The following FGF20 variants were observed in gnomAD, a reference collection of about 807,000 sequenced individuals.
The protein encoded by FGF20 is fibroblast growth factor 20.
A neutral mutation model predicts 16.7 loss-of-function variants in FGF20; 8 were observed. The observed-to-expected ratio is 0.48, with a 90% CI of 0.28 to 0.87. The LOEUF is 0.87. FGF20 is among the 40% of genes least tolerant of loss of function. The probability of loss-of-function intolerance (pLI) is 0.10; values close to 1 mark genes in which losing one functional copy is unlikely to be tolerated. For synonymous variants in FGF20, 161 were observed against 118.6 expected, an observed-to-expected ratio of 1.36 and a Z score of -2.32; for missense variants, 397 against 281.4, an observed-to-expected ratio of 1.41 and a Z score of -2.94.
At chr8:16,994,724 G>C (rs1810003518) in intron 2 of FGF20, among the ~76,000 whole-genome samples, 1 of 152,152 alleles carries the variant, frequency 6.6e-6, no homozygotes, top group African/African-American at 2.4e-5. Flanking sequence ...AGTGCCATCT[G>C]CTTAATCATA....
chr8:16,992,920 T>C lies in FGF20; in HGVS notation c.*152A>G. ...ATTTCTAGTCAAAATTTTTTTTGGTTTTTTTTCTCAATATTCTTTCCAAAT... is the reference window on the plus strand; with the variant it reads ...ATTTCTAGTCAAAATTTTTTTTGGTCTTTTTTCTCAATATTCTTTCCAAAT... On this transcript the variant is annotated 3_prime_UTR_variant, in exon 3 of 3. Coordinates refer to ENST00000180166, the MANE Select transcript of FGF20 (RefSeq NM_019851.3). The C allele has an allele frequency of 2.8e-6, 3 of 1,054,492 alleles. No homozygotes were observed. Among genetic ancestry groups the C allele is most frequent in the Non-Finnish European group, 4.0e-6 (3 of 746,274 alleles). 65.3% of individuals were successfully genotyped at this position (1,054,492 alleles called of 1,614,324 possible).
chr8:16,997,751 A>C (rs1039118786), intron 1 of FGF20, among the ~76,000 whole-genome samples: 4 of 152,304 alleles, frequency 2.6e-5, no homozygotes, highest in African/African-American at 9.6e-5. Context: ...AGAGGTGGGG[A>C]GTGAAGGAAA....
rs762445378 is a variant in FGF20, at chr8:17,002,034, G to A, written c.-2C>T. The A allele has an allele frequency of 6.5e-7, 1 of 1,539,234 alleles. No homozygotes were observed. The highest frequency in any genetic ancestry group is 8.7e-7 in the Non-Finnish European group (1 of 1,143,746). On this transcript the variant is annotated 5_prime_UTR_variant, in exon 1 of 3. Coordinates refer to ENST00000180166, the MANE Select transcript of FGF20 (RefSeq NM_019851.3). ...CCCGACTTCGGCTAAGGGAGCCATGGAGGGGGAGATCCGGAACACAAAAGA... is the reference window on the plus strand; with the variant it reads ...CCCGACTTCGGCTAAGGGAGCCATGAAGGGGGAGATCCGGAACACAAAAGA...
chr8:16,993,013 G>A lies in FGF20; in HGVS notation c.*59C>T. The stretch of plus-strand genomic sequence containing the variant: ...TCCTTGGGTCATTATTTTATGATGG[G>A]AACTATGACAAGAAAGAATGGTTGT... On this transcript the variant is annotated 3_prime_UTR_variant, in exon 3 of 3. Transcript: ENST00000180166. 3 of 1,562,038 alleles carry A rather than the reference G, an allele frequency of 1.9e-6. No homozygotes were observed. The highest frequency in any genetic ancestry group is 1.4e-5 in the African/African-American group (1 of 73,156).
chr8:16,998,028 G>T (rs1810096725), intron 1 of FGF20, among the ~76,000 whole-genome samples: 1 of 152,126 alleles, frequency 6.6e-6, no homozygotes, highest in Non-Finnish European at 1.5e-5. Flanking sequence ...TGATTAGAAT[G>T]TAGAATAGAG....
In FGF20 at chr8:17,002,228, C is replaced by T; in HGVS notation, c.-196G>A. 1 of 518,460 alleles carries T rather than the reference C, an allele frequency of 1.9e-6. No individual in the cohort carries two copies. Among genetic ancestry groups the T allele is most frequent in the Non-Finnish European group, 3.2e-6 (1 of 315,710 alleles). 32.1% of individuals were successfully genotyped at this position (518,460 alleles called of 1,614,324 possible). A position where few individuals can be genotyped will look rare whatever the true frequency, so the allele number is the denominator to read the frequency against. On this transcript the variant is annotated 5_prime_UTR_variant, in exon 1 of 3. Coordinates refer to ENST00000180166, the MANE Select transcript of FGF20 (RefSeq NM_019851.3). ...CACTGTCTTGGAGCGATCTTCTCTCCTTGGGTAGGTGGGAGCCGGCTGCTG... is the reference window on the plus strand; with the variant it reads ...CACTGTCTTGGAGCGATCTTCTCTCTTTGGGTAGGTGGGAGCCGGCTGCTG...
intron 1 of FGF20, 86 bp downstream of exon 1, chr8:17,001,661 G>A: frequency 7.2e-7 from 1 of 1,387,686 alleles, no homozygotes; most frequent in Middle Eastern, 2.6e-4. Context: ...GACGCCCTTG[G>A]CAGGCAAAGA....
At position 16,995,723 on chromosome 8, in the gene FGF20, C is replaced by G. The variant is rs1162134925; in HGVS notation, c.322G>C (p.Val108Leu). 1 of 1,607,948 alleles carries G rather than the reference C, an allele frequency of 6.2e-7. No homozygotes were observed. The highest frequency in any genetic ancestry group is 1.3e-5 in the African/African-American group (1 of 74,880). The change falls in exon 2 of 3, where the codon GTC becomes CTC. Residue 108 changes from valine to leucine, a missense_variant. By Grantham distance (32) the Val-to-Leu change is conservative. Transcript: ENST00000180166. The part of the protein sequence containing the change: ...LEFISVAVGL[V>L]SIRGVDSGLY... ...CCACTGTCCACACCTCTAATACTGACCAGTCCCACTGCCACACTGATGAAT... is the reference window on the plus strand; with the variant it reads ...CCACTGTCCACACCTCTAATACTGAGCAGTCCCACTGCCACACTGATGAAT...
At chr8:17,000,338 C>A (rs528166140) in intron 1 of FGF20, among the ~76,000 whole-genome samples, 2 of 152,212 alleles carry the variant, frequency 1.3e-5, no homozygotes, top group Admixed American at 6.5e-5. Flanking sequence ...ACCAAATGAC[C>A]ACCACATGCT....
chr8:16,997,166 A>G (rs1474686000), intron 1 of FGF20, among the ~76,000 whole-genome samples: 1 of 152,194 alleles, frequency 6.6e-6, no homozygotes, highest in Admixed American at 6.5e-5. Flanking sequence ...AAAAAAGAAA[A>G]ACTTAACACC....
intron 2 of FGF20, among the ~76,000 whole-genome samples, chr8:16,994,348 C>T (rs924125736): frequency 4.6e-5 from 7 of 152,130 alleles, no homozygotes; most frequent in African/African-American, 9.7e-5. Context: ...ACATTCTCCA[C>T]GATTTTTTAT....
chr8:17,000,929 C>T (rs1282043696), intron 1 of FGF20, among the ~76,000 whole-genome samples: 4 of 152,072 alleles, frequency 2.6e-5, no homozygotes, highest in Admixed American at 2.6e-4. Context: ...TTCCCATTTC[C>T]TCTTTCCTAA....
At chr8:17,000,787 C>G (rs1378716060) in intron 1 of FGF20, among the ~76,000 whole-genome samples, 1 of 151,832 alleles carries the variant, frequency 6.6e-6, no homozygotes, top group South Asian at 2.1e-4. Context: ...GAGACCCTCC[C>G]GATCTAGTAT....
chr8:16,994,083 C>A (rs1809986357), intron 2 of FGF20, among the ~76,000 whole-genome samples: 1 of 152,102 alleles, frequency 6.6e-6, no homozygotes, highest in Non-Finnish European at 1.5e-5. Context: ...TGTCAGTTCC[C>A]AATTTTATTT....
intron 1 of FGF20, among the ~76,000 whole-genome samples, chr8:16,998,154 T>G (rs1033281991): frequency 6.6e-6 from 1 of 152,208 alleles, no homozygotes; most frequent in African/African-American, 2.4e-5. Flanking sequence ...ACCTACACTT[T>G]AATTCTTATC....
At position 17,001,701 on chromosome 8, in the gene FGF20, C is replaced by G. The variant is rs1053348073; in HGVS notation, c.286+46G>C. 5.3e-6 allele frequency: 8 copies of G among 1,513,626 alleles called. No homozygotes were observed. In the African/African-American group the frequency reaches 5.7e-5, roughly 11 times the overall value. 93.8% of individuals were successfully genotyped at this position (1,513,626 alleles called of 1,614,324 possible). ...GGTGCAAGGGGAGGGAACGAGGAGCCGAGCTGGGGCGCAGATGGGGGTGGG... is the reference window on the plus strand; with the variant it reads ...GGTGCAAGGGGAGGGAACGAGGAGCGGAGCTGGGGCGCAGATGGGGGTGGG... On this transcript the variant is annotated intron_variant, in intron 1 of 2. Coordinates refer to ENST00000180166, the MANE Select transcript of FGF20 (RefSeq NM_019851.3).
intron 1 of FGF20, among the ~76,000 whole-genome samples, chr8:16,998,263 A>T (rs1168116396): frequency 6.6e-6 from 1 of 152,202 alleles, no homozygotes; most frequent in East Asian, 1.9e-4. Flanking sequence ...TAACTTTAGT[A>T]AACAACACCC....
intron 1 of FGF20, among the ~76,000 whole-genome samples, chr8:16,998,836 C>T (rs532402797): frequency 1.3e-5 from 2 of 150,490 alleles, no homozygotes; most frequent in South Asian, 4.2e-4. Flanking sequence ...TGTAGGAAAA[C>T]TCCATCATAA....
chr8:16,994,917 T>C (rs1810008602), intron 2 of FGF20, among the ~76,000 whole-genome samples: 1 of 152,180 alleles, frequency 6.6e-6, no homozygotes, highest in Non-Finnish European at 1.5e-5. Flanking sequence ...TGTTGTGCTG[T>C]AAGGTAGAGT....
Sources: allele counts gnomAD v4.1 joint callset (sites outside exome capture counted in the v4.1 genomes callset), GRCh38; gene constraint gnomAD v4.1.1; transcripts MANE v1.5; gene names NCBI Gene and HGNC (gene_info 2026-07-23, HGNC 2026-07-21).